The following ZMAT4 variants were observed in gnomAD, a reference collection of about 807,000 sequenced individuals.
ZMAT4 encodes zinc finger matrin-type 4, also known as zinc finger matrin-type protein 4.
A neutral mutation model predicts 28.7 loss-of-function variants in ZMAT4; 17 were observed. The observed-to-expected ratio is 0.59, with a 90% CI of 0.41 to 0.89. ZMAT4 has a LOEUF of 0.89. Among genes scored for constraint, ZMAT4 ranks in the 40% least tolerant of loss-of-function variants. The probability of loss-of-function intolerance (pLI) is 0.00; values close to 1 mark genes in which losing one functional copy is unlikely to be tolerated. For missense variants in ZMAT4, 240 were observed against 283.8 expected (o/e 0.85, Z 1.11); for synonymous variants, 117 against 109.2 (o/e 1.07, Z -0.44).
intron 3 of ZMAT4, among the ~76,000 whole-genome samples, chr8:40,706,611 A>C (rs151320524): frequency 6.6e-6 from 1 of 152,164 alleles, no homozygotes; most frequent in Non-Finnish European, 1.5e-5. Context: ...TACTACCCCA[A>C]AATAAATTCC....
intron 1 of ZMAT4, among the ~76,000 whole-genome samples, chr8:40,851,509 A>G (rs924932719): frequency 6.6e-6 from 1 of 152,226 alleles, no homozygotes; most frequent in Non-Finnish European, 1.5e-5. Flanking sequence ...CAAGTGTACC[A>G]TAGTCAGGTA....
Position 40,710,974 on chromosome 8 carries a change from C to T in ZMAT4, c.193-13573G>A, listed in dbSNP as rs201181197. Among the ~76,000 whole-genome samples the T allele has an allele frequency of 6.6e-5, 10 of 152,058 alleles. No individual in the cohort carries two copies. In the East Asian group the frequency reaches 1.2e-3, roughly 18 times the overall value. ...TTTTTTTTTGTATTTTTAGTAGAGA[C>T]GGGGTTTCACCATGTTGGCTAGGAT... On this transcript the variant is annotated intron_variant, in intron 3 of 6. Transcript: ENST00000297737.
chr8:40,647,200 G>A (rs373999252), intron 5 of ZMAT4, among the ~76,000 whole-genome samples: 88 of 152,272 alleles, frequency 5.8e-4, no homozygotes, highest in Non-Finnish European at 1.0e-3. Context: ...GACAGTGGGC[G>A]CAGGTCAGTG....
At chr8:40,735,885 G>A (rs1259007806) in intron 3 of ZMAT4, among the ~76,000 whole-genome samples, 2 of 152,108 alleles carry the variant, frequency 1.3e-5, no homozygotes, top group Non-Finnish European at 2.9e-5. Context: ...AAAGAGGCAC[G>A]GGGAGTGGGA....
At chr8:40,645,485 C>A (rs116375918) in intron 5 of ZMAT4, among the ~76,000 whole-genome samples, 5 of 151,936 alleles carry the variant, frequency 3.3e-5, no homozygotes, top group Non-Finnish European at 7.4e-5. Flanking sequence ...AGGTCCATTG[C>A]AGTGATGGTC....
At chr8:40,553,261 A>G (rs1438031727) in intron 6 of ZMAT4, among the ~76,000 whole-genome samples, 2 of 152,172 alleles carry the variant, frequency 1.3e-5, no homozygotes, top group African/African-American at 4.8e-5. Context: ...GTAGCCCCAG[A>G]CTACATTCTG....
chr8:40,626,778 T>C (rs1016814727), intron 5 of ZMAT4, among the ~76,000 whole-genome samples: 7 of 152,114 alleles, frequency 4.6e-5, no homozygotes, highest in African/African-American at 7.2e-5. Context: ...AGATGTTGGA[T>C]GGACAGGCAC....
chr8:40,532,682 C>G (rs1802727199), intron 6 of ZMAT4, among the ~76,000 whole-genome samples: 1 of 108,392 alleles, frequency 9.2e-6, no homozygotes, highest in Admixed American at 1.2e-4. Context: ...AGAATTTTCT[C>G]TGTTAGAAGA....
intron 2 of ZMAT4, among the ~76,000 whole-genome samples, chr8:40,776,515 A>G (rs1813603118): frequency 6.6e-6 from 1 of 152,234 alleles, no homozygotes; most frequent in Non-Finnish European, 1.5e-5. Flanking sequence ...TGTGGTGTTC[A>G]GTACAGAGCT....
intron 3 of ZMAT4, among the ~76,000 whole-genome samples, chr8:40,730,498 C>G (rs1274257558): frequency 1.3e-5 from 2 of 151,992 alleles, no homozygotes; most frequent in Non-Finnish European, 2.9e-5. Context: ...TTTTATTTGC[C>G]CAATCTAACA....
At chr8:40,702,071 T>C (rs1027202325) in intron 3 of ZMAT4, among the ~76,000 whole-genome samples, 2 of 152,080 alleles carry the variant, frequency 1.3e-5, no homozygotes, top group African/African-American at 4.8e-5. Context: ...CTCACTTGCT[T>C]TCGGTCACCG....
intron 5 of ZMAT4, among the ~76,000 whole-genome samples, chr8:40,607,352 C>T (rs1053328392): frequency 9.2e-5 from 14 of 151,876 alleles, no homozygotes; most frequent in South Asian, 2.1e-4. Context: ...AGGATGGTCT[C>T]GATCTCCTGA....
chr8:40,576,183 A>G (rs1198364954), intron 6 of ZMAT4, among the ~76,000 whole-genome samples: 2 of 152,174 alleles, frequency 1.3e-5, no homozygotes, highest in Non-Finnish European at 2.9e-5. Context: ...AAACCATAAC[A>G]CAAATATTTG....
At chr8:40,724,431 T>C (rs1811237244) in intron 3 of ZMAT4, among the ~76,000 whole-genome samples, 1 of 152,222 alleles carries the variant, frequency 6.6e-6, no homozygotes, top group South Asian at 2.1e-4. Context: ...TTGACTTTGT[T>C]TCAACCTGTT....
intron 3 of ZMAT4, among the ~76,000 whole-genome samples, chr8:40,709,009 A>C (rs7831097): frequency 6.6e-6 from 1 of 152,032 alleles, no homozygotes; most frequent in South Asian, 2.1e-4. Flanking sequence ...AGGAAGTATA[A>C]GCAGTCATCC....
At chr8:40,859,650 G>A (rs982625936) in intron 1 of ZMAT4, among the ~76,000 whole-genome samples, 6 of 152,204 alleles carry the variant, frequency 3.9e-5, no homozygotes, top group African/African-American at 1.4e-4. Flanking sequence ...CCCATCAAAT[G>A]TCAAAGCAAA....
At chr8:40,696,757 G>C (rs1485523178) in intron 4 of ZMAT4, among the ~76,000 whole-genome samples, 1 of 151,968 alleles carries the variant, frequency 6.6e-6, no homozygotes, top group East Asian at 1.9e-4. Flanking sequence ...ATCAGTTCTT[G>C]GCACACTAAA....
chr8:40,651,736 A>G (rs1807665422), intron 5 of ZMAT4, among the ~76,000 whole-genome samples: 1 of 151,760 alleles, frequency 6.6e-6, no homozygotes, highest in African/African-American at 2.4e-5. Context: ...AAACAGAGAT[A>G]TAGATCAATG....
intron 5 of ZMAT4, among the ~76,000 whole-genome samples, chr8:40,612,572 G>C (rs1805838336): frequency 1.5e-5 from 2 of 136,832 alleles, no homozygotes; most frequent in Admixed American, 1.5e-4. Flanking sequence ...TCATGACCTT[G>C]TGTTTATGAT....
Sources: gnomAD v4.1 joint callset for allele counts (sites outside exome capture counted in the v4.1 genomes callset) on GRCh38, gnomAD v4.1.1 for gene constraint, MANE v1.5 for transcripts, NCBI Gene and HGNC (gene_info 2026-07-23, HGNC 2026-07-21) for gene names.